The following U2SURP variants were observed in gnomAD, a reference collection of about 807,000 sequenced individuals.
U2SURP encodes U2 snRNP-associated SURP motif-containing protein.
Under a neutral mutation model 144.9 loss-of-function variants are expected in U2SURP, and 9 were observed. The ratio of observed to expected loss-of-function variants is 0.06; its 90% CI spans 0.04 to 0.11. The LOEUF (loss-of-function observed/expected upper bound fraction) is 0.11. Ranked by LOEUF, U2SURP falls within the 10% of genes least tolerant of loss-of-function variation. The pLI is 1.00. For synonymous variants in U2SURP, 408 were observed against 396.8 expected (o/e 1.03, Z -0.33); for missense variants, 724 against 1,226.7 (o/e 0.59, Z 6.12).
At chr3:143,001,813 G>C in intron 1 of U2SURP, 140 bp downstream of exon 1, 6 of 1,108,080 alleles carry the variant, frequency 5.4e-6, no homozygotes, top group East Asian at 2.6e-5. Context: ...CCGCCGCACC[G>C]TTGTGCGCAG....
intron 14 of U2SURP, among the ~76,000 whole-genome samples, chr3:143,027,454 G>T (rs912582050): frequency 6.6e-6 from 1 of 152,074 alleles, no homozygotes; most frequent in African/African-American, 2.4e-5. Flanking sequence ...CTTCTAGCCC[G>T]TTAGCCCCGG....
intron 12 of U2SURP, among the ~76,000 whole-genome samples, chr3:143,023,593 T>G (rs1013775507): frequency 6.6e-6 from 1 of 152,222 alleles, no homozygotes; most frequent in African/African-American, 2.4e-5. Context: ...ATGAATTAAT[T>G]ACACTTAAAA....
chr3:143,029,571 CCTA>C (rs138915555), intron 16 of U2SURP, among the ~76,000 whole-genome samples: 100 of 152,262 alleles, frequency 6.6e-4, no homozygotes, highest in African/African-American at 2.3e-3. Context: ...CTTAGGCCTC[CCTA>C]TTTCCTGAGA....
chr3:143,008,822 G>T (rs1405264944), intron 1 of U2SURP, among the ~76,000 whole-genome samples: 1 of 152,254 alleles, frequency 6.6e-6, no homozygotes, highest in Non-Finnish European at 1.5e-5. Context: ...CGGTAGTGCA[G>T]TGGCGCGATC....
intron 16 of U2SURP, among the ~76,000 whole-genome samples, chr3:143,029,806 T>C (rs1486482900): frequency 1.3e-5 from 2 of 152,160 alleles, no homozygotes; most frequent in East Asian, 3.8e-4. Context: ...TAAAGGAAAT[T>C]AAAAGTGCCA....
In U2SURP at chr3:143,028,478, G is replaced by C; in HGVS notation, c.1447-5G>C. On this transcript the variant is annotated splice_polypyrimidine_tract_variant and splice_region_variant and intron_variant, in intron 15 of 27. Coordinates refer to ENST00000473835, the MANE Select transcript of U2SURP (RefSeq NM_001080415.2). Reference sequence around the variant, plus strand: ...ACCTTTATAATAACTCTAAATGTTTGTTAGGGAGATTCTCCAACTAAATGG... The same window carrying C: ...ACCTTTATAATAACTCTAAATGTTTCTTAGGGAGATTCTCCAACTAAATGG... 1 of 1,596,062 alleles carries C rather than the reference G, an allele frequency of 6.3e-7. No individual in the cohort carries two copies. The highest frequency in any genetic ancestry group is 8.5e-7 in the Non-Finnish European group (1 of 1,175,064).
In U2SURP at chr3:143,010,694, T is replaced by TTTATTA. The variant is rs1244246509; in HGVS notation, c.46-120_46-115dup. 3 of 574,030 alleles carry TTTATTA rather than the reference T, an allele frequency of 5.2e-6. No homozygotes were observed. In the African/African-American group the frequency reaches 5.8e-5, roughly 11 times the overall value. 35.6% of individuals were successfully genotyped at this position (574,030 alleles called of 1,614,324 possible). A position where few individuals can be genotyped will look rare whatever the true frequency, so the allele number is the denominator to read the frequency against. ...AAGTCAGAGACTGCCTTTGCTCAGT[T>TTTATTA]TTATTAGCTGAGGAGAAATTGCCAG... On this transcript the variant is annotated intron_variant, in intron 1 of 27. Transcript: ENST00000473835.
At chr3:143,030,259 G>GCT (rs1933402837) in intron 16 of U2SURP, among the ~76,000 whole-genome samples, 1 of 152,202 alleles carries the variant, frequency 6.6e-6, no homozygotes, top group African/African-American at 2.4e-5. Flanking sequence ...CAAAGGACAG[G>GCT]CTGACTCTCT....
chr3:143,031,318 A>T (rs1417124265), intron 16 of U2SURP, among the ~76,000 whole-genome samples: 11 of 149,956 alleles, frequency 7.3e-5, no homozygotes, highest in African/African-American at 2.7e-4. Flanking sequence ...AACAAACAAC[A>T]ACTCATGCTG....
intron 1 of U2SURP, among the ~76,000 whole-genome samples, chr3:143,006,329 G>T (rs1320391435): frequency 1.3e-5 from 2 of 152,244 alleles, no homozygotes; most frequent in African/African-American, 4.8e-5. Flanking sequence ...GGACAGCATA[G>T]TATGTTGATA....
intron 17 of U2SURP, 99 bp downstream of exon 17, chr3:143,033,045 TC>T: frequency 7.6e-7 from 1 of 1,319,560 alleles, no homozygotes; most frequent in Middle Eastern, 2.0e-4. Flanking sequence ...ATGAGATTTT[TC>T]CCATGCAGTC....
At position 143,016,854 on chromosome 3, in the gene U2SURP, CAG is replaced by C; in HGVS notation, c.451_452del (p.Asp151Ter). On this transcript the variant is annotated frameshift_variant, in exon 6 of 28. Transcript: ENST00000473835. LOFTEE classifies it high-confidence loss of function. ...TTTTAAATTTCAGAAGAACATGAAA[CAG>C]ATGAAAAAAGAGGTAAAATCTATAA... 6.4e-7 allele frequency: 1 copy of C among 1,551,132 alleles called. No homozygotes were observed. The highest frequency in any genetic ancestry group is 8.6e-7 in the Non-Finnish European group (1 of 1,157,330).
chr3:143,044,519 T>A (rs552280438), intron 24 of U2SURP, among the ~76,000 whole-genome samples: 20 of 152,134 alleles, frequency 1.3e-4, no homozygotes, highest in Non-Finnish European at 2.4e-4. Context: ...CCTCTCCTTT[T>A]TAAATGCCTT....
Position 143,038,078 on chromosome 3 carries a change from C to A in U2SURP, c.2222-30C>A, listed in dbSNP as rs780479966. 2.0e-6 allele frequency: 3 copies of A among 1,523,186 alleles called. No individual in the cohort carries two copies. In the South Asian group the frequency reaches 3.8e-5, roughly 19 times the overall value. 94.4% of individuals were successfully genotyped at this position (1,523,186 alleles called of 1,614,324 possible). A position where few individuals can be genotyped will look rare whatever the true frequency, so the allele number is the denominator to read the frequency against. On this transcript the variant is annotated intron_variant, in intron 21 of 27. Transcript: ENST00000473835. ...ATACTTCGGGTCATCCACTAGTAGT[C>A]AGGGTTAATGGCTTATCTTTCCCTA...
rs371855209 is a variant in U2SURP at position 143,038,880 on chromosome 3, T to C, written c.2318-14T>C. The C allele has an allele frequency of 2.6e-6, 4 of 1,533,026 alleles. No homozygotes were observed. Among genetic ancestry groups the C allele is most frequent in the Non-Finnish European group, 3.5e-6 (4 of 1,140,368 alleles). The allele number at this position is 1,533,026 out of a possible 1,614,324, so 95.0% of individuals were successfully genotyped here. On this transcript the variant is annotated splice_polypyrimidine_tract_variant and intron_variant, in intron 22 of 27. Transcript: ENST00000473835. ...TACCTCGTGGAATTACATCCTCCTT[T>C]TCCTTTCATTCAGCTGTTACAACTT...
chr3:143,033,074 G>A, intron 17 of U2SURP, 128 bp downstream of exon 17: 6 of 1,110,924 alleles, frequency 5.4e-6, no homozygotes, highest in Non-Finnish European at 7.6e-6. Flanking sequence ...ATTTCTGCTT[G>A]GAAATTTAGG....
At chr3:143,018,046 A>T (rs1464144270) in intron 6 of U2SURP, among the ~76,000 whole-genome samples, 1 of 152,066 alleles carries the variant, frequency 6.6e-6, no homozygotes, top group East Asian at 1.9e-4. Context: ...ACATAGCAAG[A>T]CTCCATCTTT....
intron 21 of U2SURP, among the ~76,000 whole-genome samples, chr3:143,037,582 C>G (rs1372100027): frequency 6.6e-6 from 1 of 152,048 alleles, no homozygotes; most frequent in Admixed American, 6.6e-5. Context: ...GGACAATCAG[C>G]CTCCTATAAT....
At chr3:143,010,317 G>C (rs1264648866) in intron 1 of U2SURP, among the ~76,000 whole-genome samples, 2 of 152,140 alleles carry the variant, frequency 1.3e-5, no homozygotes, top group Non-Finnish European at 2.9e-5. Context: ...TGCCTTATTG[G>C]GGATTTGATA....
Sources: gnomAD v4.1 joint callset for allele counts (sites outside exome capture counted in the v4.1 genomes callset) on GRCh38, gnomAD v4.1.1 for gene constraint, MANE v1.5 for transcripts, NCBI Gene and HGNC (gene_info 2026-07-23, HGNC 2026-07-21) for gene names.